USP40: variants seen among roughly 807,000 people sequenced by gnomAD.
USP40 encodes the protein ubiquitin specific peptidase 40.
In USP40, 143 loss-of-function variants were observed where a neutral mutation model predicts 166.2. The observed-to-expected ratio is 0.86, with a 90% CI of 0.75 to 0.99. The LOEUF (loss-of-function observed/expected upper bound fraction) is 0.99. USP40 is among the 50% of genes least tolerant of loss of function. The pLI, the probability that USP40 is intolerant of heterozygous loss-of-function variation, is 0.00. For missense variants in USP40, 1,444 were observed against 1,479.7 expected, an observed-to-expected ratio of 0.98 and a Z score of 0.40; for synonymous variants, 498 against 524.0, an observed-to-expected ratio of 0.95 and a Z score of 0.68.
intron 1 of USP40, 72 bp downstream of exon 1, chr2:233,566,612 G>A: frequency 1.1e-5 from 10 of 887,406 alleles, no homozygotes; most frequent in Non-Finnish European, 1.3e-5. Context: ...GCCCTCCTCA[G>A]ACTGGGCCAC....
chr2:233,560,272 T>A (rs941775642), intron 3 of USP40, among the ~76,000 whole-genome samples: 1 of 152,120 alleles, frequency 6.6e-6, no homozygotes, highest in Non-Finnish European at 1.5e-5. Flanking sequence ...ACACACAATT[T>A]CCCCTCTGTA....
At chr2:233,563,750 G>A (rs75768123) in intron 2 of USP40, among the ~76,000 whole-genome samples, 1,942 of 152,172 alleles carry the variant, frequency 0.013, 37 homozygotes, top group East Asian at 0.084. Context: ...CTCCCTGTCA[G>A]TCACCATCAG....
At chr2:233,479,303 G>A (rs2064381779) in intron 31 of USP40, among the ~76,000 whole-genome samples, 2 of 152,178 alleles carry the variant, frequency 1.3e-5, no homozygotes, top group African/African-American at 4.8e-5. Flanking sequence ...GGTGGCTCAC[G>A]CCTGTAATCC....
At chr2:233,481,946 C>T (rs961560377) in intron 30 of USP40, among the ~76,000 whole-genome samples, 2 of 152,230 alleles carry the variant, frequency 1.3e-5, no homozygotes, top group Admixed American at 6.5e-5. Context: ...AGGAAAGACA[C>T]AGCGCAGGGT....
intron 12 of USP40, 54 bp from the exon 13 acceptor site, chr2:233,527,632 G>A: frequency 7.1e-7 from 1 of 1,411,682 alleles, no homozygotes; most frequent in Non-Finnish European, 9.4e-7. Context: ...CAGACACTGT[G>A]TTTTATCTCA....
At chr2:233,561,169 G>C in intron 3 of USP40, 2 of 1,577,674 alleles carry the variant, frequency 1.3e-6, no homozygotes, top group Non-Finnish European at 1.7e-6. Context: ...CCTTTGCATC[G>C]GGTTTATCCT....
intron 8 of USP40, among the ~76,000 whole-genome samples, chr2:233,547,393 G>C (rs1317007885): frequency 6.6e-6 from 1 of 152,108 alleles, no homozygotes; most frequent in Non-Finnish European, 1.5e-5. Context: ...AAATACAACT[G>C]ATAGAATGTC....
intron 2 of USP40, among the ~76,000 whole-genome samples, chr2:233,564,984 T>A (rs2072004728): frequency 6.6e-6 from 1 of 152,188 alleles, no homozygotes; most frequent in Non-Finnish European, 1.5e-5. Context: ...TAGATATAAT[T>A]GGTTGGATAA....
intron 20 of USP40, 22 bp downstream of exon 20, chr2:233,511,687 G>GA: frequency 1.3e-6 from 2 of 1,593,772 alleles, no homozygotes; most frequent in Non-Finnish European, 1.7e-6. Context: ...ATTTTGTTTT[G>GA]AAACAGGTGA....
rs898894440 is a variant in USP40 at position 233,476,486 on chromosome 2, A to AT, written c.*905dup. 1.3e-5 allele frequency: 2 copies of AT among 152,318 alleles called. No individual in the cohort carries two copies. The highest frequency in any genetic ancestry group is 4.8e-5 in the African/African-American group (2 of 41,450). The allele number at this position is 152,318 out of a possible 1,614,324, so 9.4% of individuals were successfully genotyped here. A position where few individuals can be genotyped will look rare whatever the true frequency, so the allele number is the denominator to read the frequency against. On this transcript the variant is annotated 3_prime_UTR_variant, in exon 32 of 32. Transcript: ENST00000678225. The stretch of plus-strand genomic sequence containing the variant: ...GTGGGAAAACCCTTCCTTAGTTTAC[A>AT]TTTTCTTTTTCTCAGGTGTTTTCAT...
intron 1 of USP40, among the ~76,000 whole-genome samples, chr2:233,566,227 T>C (rs1446500559): frequency 1.3e-5 from 2 of 152,032 alleles, no homozygotes; most frequent in African/African-American, 4.8e-5. Flanking sequence ...GGCCTTCCAG[T>C]ATGTATCCAC....
intron 24 of USP40, among the ~76,000 whole-genome samples, chr2:233,494,607 T>C (rs2065546197): frequency 6.6e-6 from 1 of 151,904 alleles, no homozygotes; most frequent in South Asian, 2.1e-4. Context: ...GGCTCACAGC[T>C]GTAATCCCAG....
Position 233,475,543 on chromosome 2 carries a change from G to A in USP40, c.*1849C>T, listed in dbSNP as rs1415061949. On this transcript the variant is annotated 3_prime_UTR_variant, in exon 32 of 32. Coordinates refer to ENST00000678225, the MANE Select transcript of USP40 (RefSeq NM_001365479.2). The stretch of plus-strand genomic sequence containing the variant: ...CTAAGGGCTACAACTTTAAAAAATG[G>A]TTTATTTTTTTCTTTAACAAAATCG... The A allele has an allele frequency of 6.6e-6, 1 of 152,328 alleles. No individual in the cohort carries two copies. Among genetic ancestry groups the A allele is most frequent in the Admixed American group, 6.5e-5 (1 of 15,286 alleles). 9.4% of individuals were successfully genotyped at this position (152,328 alleles called of 1,614,324 possible).
chr2:233,506,733 G>A (rs150299419), intron 21 of USP40, among the ~76,000 whole-genome samples: 1,684 of 68,180 alleles, frequency 0.025, 27 homozygotes, highest in East Asian at 0.13. Flanking sequence ...TGCCTCTACC[G>A]AAAATACAAA....
At chr2:233,517,496 A>T (rs10171805) in intron 18 of USP40, among the ~76,000 whole-genome samples, 1,639 of 147,580 alleles carry the variant, frequency 0.011, 29 homozygotes, top group African/African-American at 0.039. Context: ...GCCATTCTCC[A>T]GCCTCAGCCT....
chr2:233,559,962 TA>T (rs2125395955), intron 3 of USP40, 38 bp from the exon 4 acceptor site: 1 of 1,493,404 alleles, frequency 6.7e-7, no homozygotes, highest in East Asian at 2.4e-5. Flanking sequence ...ATGAATTCTT[TA>T]AGTGTTGACT....
intron 4 of USP40, among the ~76,000 whole-genome samples, chr2:233,559,408 T>G (rs1371788809): frequency 3.3e-5 from 5 of 152,214 alleles, no homozygotes; most frequent in African/African-American, 1.2e-4. Context: ...TTTTAAAAAT[T>G]TACTTACAAT....
rs531279495 is a variant in USP40, at chr2:233,519,658, A to G, written c.2339T>C (p.Ile780Thr). 6 of 1,420,892 alleles carry G rather than the reference A, an allele frequency of 4.2e-6. No individual in the cohort carries two copies. The African/African-American group carries it at 4.3e-5, about 10-fold the overall frequency. 88.0% of individuals were successfully genotyped at this position (1,420,892 alleles called of 1,614,324 possible). A position where few individuals can be genotyped will look rare whatever the true frequency, so the allele number is the denominator to read the frequency against. The change falls in exon 18 of 32, where the codon ATT (isoleucine) becomes ACT (threonine). Residue 780 changes from isoleucine to threonine, a missense_variant. Ile to Thr is a moderately conservative substitution (Grantham distance 89). Coordinates refer to ENST00000678225, the MANE Select transcript of USP40 (RefSeq NM_001365479.2). ...SATVNTMVFD[I>T]RIKAIKELKL... ...TAATTCCTTTATGGCTTTAATTCGAATATCAAACACCATCTAAAACAGAGA... is the reference window on the plus strand; with the variant it reads ...TAATTCCTTTATGGCTTTAATTCGAGTATCAAACACCATCTAAAACAGAGA...
At chr2:233,490,606 A>G (rs568226925) in intron 26 of USP40, among the ~76,000 whole-genome samples, 1 of 152,254 alleles carries the variant, frequency 6.6e-6, no homozygotes, top group African/African-American at 2.4e-5. Flanking sequence ...ATTTCAGTCC[A>G]ACAGTAGGCG....
Sources: allele counts gnomAD v4.1 joint callset (sites outside exome capture counted in the v4.1 genomes callset), GRCh38; gene constraint gnomAD v4.1.1; transcripts MANE v1.5; gene names NCBI Gene and HGNC (gene_info 2026-07-23, HGNC 2026-07-21).